The following NEUROD6 variants were observed in gnomAD, a reference collection of about 807,000 sequenced individuals.
NEUROD6 encodes the protein neurogenic differentiation factor 6.
A neutral mutation model predicts 24.1 loss-of-function variants in NEUROD6; 5 were observed. The observed-to-expected ratio is 0.21, with a 90% CI of 0.11 to 0.44. The LOEUF is 0.44. Among genes scored for constraint, NEUROD6 ranks in the 20% least tolerant of loss-of-function variants. The pLI, the probability that NEUROD6 is intolerant of heterozygous loss-of-function variation, is 0.99. For synonymous variants in NEUROD6, 182 were observed against 154.1 expected, an observed-to-expected ratio of 1.18 and a Z score of -1.34; for missense variants, 325 against 409.5, an observed-to-expected ratio of 0.79 and a Z score of 1.78.
At chr7:31,339,597 C>T (rs913898751) in intron 1 of NEUROD6, among the ~76,000 whole-genome samples, 1 of 152,080 alleles carries the variant, frequency 6.6e-6, no homozygotes, top group South Asian at 2.1e-4. Flanking sequence ...TTAATACCCC[C>T]AAAAAAGATT....
rs1350179906 is a variant in NEUROD6, at chr7:31,338,584, T to C, written c.685A>G (p.Lys229Glu). 6.2e-7 allele frequency: 1 copy of C among 1,614,052 alleles called. No individual in the cohort carries two copies. Among genetic ancestry groups the C allele is most frequent in the Non-Finnish European group, 8.5e-7 (1 of 1,179,978 alleles). ...CAATAATTGTAGGGTTTCATGGACTTGGAATTATCAAGAGTCCCATGCCCT... is the reference window on the plus strand; with the variant it reads ...CAATAATTGTAGGGTTTCATGGACTCGGAATTATCAAGAGTCCCATGCCCT... ...PPGHGTLDNS[K>E]SMKPYNYCSA... is the part of the protein sequence containing the mutation. The change falls in exon 2 of 2, where the codon AAG becomes GAG. Residue 229 changes from lysine to glutamate, a missense_variant. Lys to Glu is a moderately conservative substitution (Grantham distance 56, BLOSUM62 1). Transcript: ENST00000297142. The surrounding 1 kb of genome is among the most constrained non-coding windows in gnomAD (Gnocchi z 5.1).
chr7:31,338,491 A>C lies in NEUROD6; in HGVS notation c.778T>G (p.Leu260Val). 1 of 1,614,104 alleles carries C rather than the reference A, an allele frequency of 6.2e-7. No individual in the cohort carries two copies. Among genetic ancestry groups the C allele is most frequent in the Non-Finnish European group, 8.5e-7 (1 of 1,179,984 alleles). The change falls in exon 2 of 2, where the codon TTA becomes GTA. Residue 260 changes from leucine to valine, a missense_variant. Physicochemically the swap from Leu to Val is conservative, Grantham distance 32. Around this residue, in one of 3 missense-constraint regions of NEUROD6, gnomAD observed 175 missense variants for 201.3 expected, o/e 0.87. Coordinates refer to ENST00000297142, the MANE Select transcript of NEUROD6 (RefSeq NM_022728.4). The surrounding 1 kb of genome is among the most constrained non-coding windows in gnomAD (Gnocchi z 5.1). ...ECASPQFEGPLSPPPINYNGI... is the reference protein window; with the variant it reads ...ECASPQFEGPVSPPPINYNGI... ...TTATAGTTAATTGGGGGAGGACTTA[A>C]GGGACCTTCAAACTGAGGGCTGGCA...
Position 31,338,323 on chromosome 7 carries a change from A to G in NEUROD6, c.946T>C (p.Tyr316His). ...FRLPTDSHFP[Y>H]DLHLRSQSLT... ...GATTGGCTGCGCAGATGTAAGTCGT[A>G]AGGGAAGTGGCTGTCGGTGGGCAAC... Residue 316 changes from tyrosine (Y) to histidine (H), a missense_variant, in exon 2 of 2, where the codon TAC (tyrosine) becomes CAC (histidine). This residue lies in a region of NEUROD6 where 175 missense variants were observed against 201.3 expected (regional missense o/e 0.87). Coordinates refer to ENST00000297142, the MANE Select transcript of NEUROD6 (RefSeq NM_022728.4). The surrounding 1 kb of genome is among the most constrained non-coding windows in gnomAD (Gnocchi z 5.1). 6.2e-7 allele frequency: 1 copy of G among 1,614,198 alleles called. No individual in the cohort carries two copies. The highest frequency in any genetic ancestry group is 1.1e-5 in the South Asian group (1 of 91,072).
chr7:31,337,898 T>C lies in NEUROD6; in HGVS notation c.*357A>G. On this transcript the variant is annotated 3_prime_UTR_variant, in exon 2 of 2. Transcript: ENST00000297142. ...GTTTTAATAACATGCATTTTATAAT[T>C]ACTGTACAACCAAAATAGACATTGA... The C allele has an allele frequency of 5.6e-6, 1 of 179,042 alleles. No individual in the cohort carries two copies. Among genetic ancestry groups the C allele is most frequent in the South Asian group, 1.4e-4 (1 of 6,990 alleles). 11.1% of individuals were successfully genotyped at this position (179,042 alleles called of 1,614,324 possible).
At chr7:31,340,425 G>A (rs977808894) in intron 1 of NEUROD6, among the ~76,000 whole-genome samples, 168 bp downstream of exon 1, 2 of 152,170 alleles carry the variant, frequency 1.3e-5, no homozygotes, top group African/African-American at 2.4e-5. Context: ...CATACTTGCA[G>A]TGTTACATAA....
rs752284115 is a variant in NEUROD6, at chr7:31,339,020, CT to C, written c.248del (p.Lys83ArgfsTer35). On this transcript the variant is annotated frameshift_variant, in exon 2 of 2. Transcript: ENST00000297142. LOFTEE classifies it high-confidence loss of function. The part of the protein sequence containing the change: ...LPRRRGLRKK[K>X]TTKLRLERVK... The stretch of plus-strand genomic sequence containing the variant: ...CCCTTTCCAATCGCAGCTTTGTTGT[CT>C]TTTTTTTCCTAAGACCCCTCCTTCT... The C allele has an allele frequency of 1.2e-6, 2 of 1,613,846 alleles. No individual in the cohort carries two copies. The highest frequency in any genetic ancestry group is 1.7e-6 in the Non-Finnish European group (2 of 1,179,956).
intron 1 of NEUROD6, 98 bp from the exon 2 acceptor site, chr7:31,339,387 C>T (rs530964935): frequency 3.8e-5 from 37 of 983,246 alleles, no homozygotes; most frequent in Non-Finnish European, 5.0e-5. Context: ...TACAAAAACA[C>T]GTGAAAAAGA....
Position 31,338,586 on chromosome 7 carries a change from G to A in NEUROD6, c.683C>T (p.Ser228Phe). 1 of 1,614,060 alleles carries A rather than the reference G, an allele frequency of 6.2e-7. No individual in the cohort carries two copies. Among genetic ancestry groups the A allele is most frequent in the Non-Finnish European group, 8.5e-7 (1 of 1,179,962 alleles). ...TPPGHGTLDN[S>F]KSMKPYNYCS... ...ATAATTGTAGGGTTTCATGGACTTG[G>A]AATTATCAAGAGTCCCATGCCCTGG... The change falls in exon 2 of 2, where the codon TCC (serine) becomes TTC (phenylalanine). Residue 228 changes from serine to phenylalanine, a missense_variant. Ser to Phe is a radical substitution (Grantham distance 155). This residue lies in a region of NEUROD6 where 175 missense variants were observed against 201.3 expected (regional missense o/e 0.87). Coordinates refer to ENST00000297142, the MANE Select transcript of NEUROD6 (RefSeq NM_022728.4). This position sits in a 1 kb window ranked among gnomAD's most constrained non-coding sequence, Gnocchi z 5.1.
At position 31,339,037 on chromosome 7, in the gene NEUROD6, C is replaced by A; in HGVS notation, c.232G>T (p.Gly78Cys). ...EDENGLPRRR[G>C]LRKKKTTKLR... ...TTTGTTGTCTTTTTTTTCCTAAGAC[C>A]CCTCCTTCTAGGCAACCCATTTTCA... Residue 78 changes from glycine (G) to cysteine (C), a missense_variant, in exon 2 of 2, where the codon GGT becomes TGT. By Grantham distance (159) the Gly-to-Cys change is radical (BLOSUM62 -3). Around this residue, in one of 3 missense-constraint regions of NEUROD6, gnomAD observed 109 missense variants for 107.3 expected, o/e 1.02. Transcript: ENST00000297142. The A allele has an allele frequency of 6.2e-7, 1 of 1,613,848 alleles. No individual in the cohort carries two copies. Among genetic ancestry groups the A allele is most frequent in the Non-Finnish European group, 8.5e-7 (1 of 1,179,958 alleles).
At chr7:31,339,378 A>G in intron 1 of NEUROD6, 89 bp from the exon 2 acceptor site, 1 of 1,062,336 alleles carries the variant, frequency 9.4e-7, no homozygotes, top group South Asian at 2.2e-5. Flanking sequence ...TCATAAGATT[A>G]CAAAAACACG....
rs983619346 is a variant in NEUROD6 at position 31,340,586 on chromosome 7, A to T, written c.-22+7T>A. 2 of 152,302 alleles carry T rather than the reference A, an allele frequency of 1.3e-5. No individual in the cohort carries two copies. The highest frequency in any genetic ancestry group is 3.8e-4 in the East Asian group (2 of 5,200). The allele number at this position is 152,302 out of a possible 1,614,324, so 9.4% of individuals were successfully genotyped here. A position where few individuals can be genotyped will look rare whatever the true frequency, so the allele number is the denominator to read the frequency against. Reference sequence around the variant, plus strand: ...CATCAATTGAAGTATATCTTTATTTATATTACCTTAGGTTTTAATTTCATT... The same window carrying T: ...CATCAATTGAAGTATATCTTTATTTTTATTACCTTAGGTTTTAATTTCATT... On this transcript the variant is annotated splice_region_variant and intron_variant, in intron 1 of 1. Coordinates refer to ENST00000297142, the MANE Select transcript of NEUROD6 (RefSeq NM_022728.4).
chr7:31,340,455 T>C (rs1396482398), intron 1 of NEUROD6, 138 bp downstream of exon 1: 1 of 152,224 alleles, frequency 6.6e-6, no homozygotes, highest in Non-Finnish European at 1.5e-5. Flanking sequence ...AAGTATGTGA[T>C]AATTACATCA....
rs909856398 is a variant in NEUROD6, at chr7:31,337,916, G to C, written c.*339C>G. On this transcript the variant is annotated 3_prime_UTR_variant, in exon 2 of 2. Transcript: ENST00000297142. Reference sequence around the variant, plus strand: ...TTATAATTACTGTACAACCAAAATAGACATTGAATTATGCTGTGTGCATGT... The same window carrying C: ...TTATAATTACTGTACAACCAAAATACACATTGAATTATGCTGTGTGCATGT... The C allele has an allele frequency of 5.1e-6, 1 of 197,092 alleles. No homozygotes were observed. The highest frequency in any genetic ancestry group is 1.0e-5 in the Non-Finnish European group (1 of 95,644). The allele number at this position is 197,092 out of a possible 1,614,324, so 12.2% of individuals were successfully genotyped here.
Position 31,338,102 on chromosome 7 carries a change from T to G in NEUROD6, c.*153A>C. 1.7e-6 allele frequency: 1 copy of G among 603,354 alleles called. No homozygotes were observed. The highest frequency in any genetic ancestry group is 2.8e-5 in the East Asian group (1 of 36,118). 37.4% of individuals were successfully genotyped at this position (603,354 alleles called of 1,614,324 possible). A position where few individuals can be genotyped will look rare whatever the true frequency, so the allele number is the denominator to read the frequency against. On this transcript the variant is annotated 3_prime_UTR_variant, in exon 2 of 2. Transcript: ENST00000297142. This position sits in a 1 kb window ranked among gnomAD's most constrained non-coding sequence, Gnocchi z 5.1. ...TTCTCATACGAAAAGAGATTTATTA[T>G]TACATAGAAAATTCTCACAATAGTT...
In NEUROD6 at chr7:31,338,688, C is replaced by G. The variant is rs149378506; in HGVS notation, c.581G>C (p.Gly194Ala). 6.2e-7 allele frequency: 1 copy of G among 1,613,936 alleles called. No homozygotes were observed. Among genetic ancestry groups the G allele is most frequent in the African/African-American group, 1.3e-5 (1 of 74,882 alleles). The part of the protein sequence containing the change: ...NARSFLMGQG[G>A]EAAHHTRSPY... ...TGACCTTGTGTGGTGTGCAGCCTCCCCACCCTGACCCATCAGGAAACTCCT... is the reference window on the plus strand; with the variant it reads ...TGACCTTGTGTGGTGTGCAGCCTCCGCACCCTGACCCATCAGGAAACTCCT... Residue 194 changes from glycine to alanine, a missense_variant, in exon 2 of 2, where the codon GGG becomes GCG. Coordinates refer to ENST00000297142, the MANE Select transcript of NEUROD6 (RefSeq NM_022728.4). The surrounding 1 kb of genome is among the most constrained non-coding windows in gnomAD (Gnocchi z 5.1).
At position 31,339,130 on chromosome 7, in the gene NEUROD6, T is replaced by C. The variant is rs1259837630; in HGVS notation, c.139A>G (p.Ser47Gly). The C allele has an allele frequency of 6.2e-7, 1 of 1,614,076 alleles. No homozygotes were observed. The highest frequency in any genetic ancestry group is 1.7e-5 in the Admixed American group (1 of 60,004). Residue 47 changes from serine to glycine, a missense_variant, in exon 2 of 2, where the codon AGC (serine) becomes GGC (glycine). By Grantham distance (56) the Ser-to-Gly change is moderately conservative. This residue lies in a region of NEUROD6 where 109 missense variants were observed against 107.3 expected (regional missense o/e 1.02). Transcript: ENST00000297142. ...FSKQIVLRGK[S>G]IKRAPGEETE... ...TCTTCTCCAGGGGCCCTTTTGATGCTCTTTCCTCGAAGGACAATCTGTTTG... is the reference window on the plus strand; with the variant it reads ...TCTTCTCCAGGGGCCCTTTTGATGCCCTTTCCTCGAAGGACAATCTGTTTG...
rs371375986 is a variant in NEUROD6 at position 31,338,307 on chromosome 7, C to T, written c.962G>A (p.Arg321His). The T allele has an allele frequency of 9.3e-6, 15 of 1,613,872 alleles. No individual in the cohort carries two copies. The highest frequency in any genetic ancestry group is 8.0e-5 in the African/African-American group (6 of 74,860). ...DSHFPYDLHLRSQSLTMQDEL... is the reference protein window; with the variant it reads ...DSHFPYDLHLHSQSLTMQDEL... ...ATCTTGCATTGTGAGAGATTGGCTG[C>T]GCAGATGTAAGTCGTAAGGGAAGTG... Residue 321 changes from arginine (R) to histidine (H), a missense_variant, in exon 2 of 2, where the codon CGC becomes CAC. Around this residue, in one of 3 missense-constraint regions of NEUROD6, gnomAD observed 175 missense variants for 201.3 expected, o/e 0.87. Transcript: ENST00000297142. The surrounding 1 kb of genome is among the most constrained non-coding windows in gnomAD (Gnocchi z 5.1).
chr7:31,338,286 T>C lies in NEUROD6; in HGVS notation c.983A>G (p.Gln328Arg), dbSNP rs982814511. ...LHLRSQSLTMQDELNAVFHN is the reference protein window; with the variant it reads ...LHLRSQSLTMRDELNAVFHN Reference sequence around the variant, plus strand: ...ATGAAAAACTGCATTTAATTCATCTTGCATTGTGAGAGATTGGCTGCGCAG... The same window carrying C: ...ATGAAAAACTGCATTTAATTCATCTCGCATTGTGAGAGATTGGCTGCGCAG... The change falls in exon 2 of 2, where the codon CAA becomes CGA. Residue 328 changes from glutamine to arginine, a missense_variant. Physicochemically the swap from Gln to Arg is conservative, Grantham distance 43 (BLOSUM62 1). This residue lies in a region of NEUROD6 where 175 missense variants were observed against 201.3 expected (regional missense o/e 0.87). Transcript: ENST00000297142. This position sits in a 1 kb window ranked among gnomAD's most constrained non-coding sequence, Gnocchi z 5.1. 1.5e-5 allele frequency: 25 copies of C among 1,613,812 alleles called. No homozygotes were observed. The highest frequency in any genetic ancestry group is 2.1e-5 in the Non-Finnish European group (25 of 1,179,844).
At position 31,339,248 on chromosome 7, in the gene NEUROD6, A is replaced by T. The variant is rs1783099964; in HGVS notation, c.21T>A (p.Asp7Glu). The T allele has an allele frequency of 6.2e-7, 1 of 1,610,622 alleles. No homozygotes were observed. The highest frequency in any genetic ancestry group is 1.3e-5 in the African/African-American group (1 of 74,590). Residue 7 changes from aspartate (D) to glutamate (E), a missense_variant, in exon 2 of 2, where the codon GAT becomes GAA. By Grantham distance (45) the Asp-to-Glu change is conservative (BLOSUM62 2). Transcript: ENST00000297142. MLTLPFDESVVMPESQM... is the reference protein window; with the variant it reads MLTLPFEESVVMPESQM... The stretch of plus-strand genomic sequence containing the variant: ...GGGATTCTGGCATTACAACAGACTC[A>T]TCAAACGGTAGTGTTAACATGGTTC...
Sources: allele counts gnomAD v4.1 joint callset (sites outside exome capture counted in the v4.1 genomes callset), GRCh38; gene constraint gnomAD v4.1.1; regional missense constraint gnomAD v4.1.1; non-coding constraint Gnocchi (gnomAD v3.1); transcripts MANE v1.5; gene names NCBI Gene and HGNC (gene_info 2026-07-23, HGNC 2026-07-21).